Variants in GALNT13 observed in about 807,000 individuals in gnomAD.
The protein encoded by GALNT13 is UDP-GalNAc:polypeptide N-acetylgalactosaminyltransferase 13.
In GALNT13, 28 loss-of-function variants were observed where a neutral mutation model predicts 64.2. The observed-to-expected ratio is 0.44, with a 90% CI of 0.32 to 0.60. GALNT13 has a LOEUF of 0.60. Ranked by LOEUF, GALNT13 falls within the 20% of genes least tolerant of loss-of-function variation. GALNT13 has a pLI of 0.05. For missense variants in GALNT13, 577 were observed against 669.8 expected (o/e 0.86, Z 1.53); for synonymous variants, 214 against 224.6 (o/e 0.95, Z 0.42).
the GALNT13 span, among the ~76,000 whole-genome samples, chr2:153,483,518 G>A: frequency 6.8e-6 from 1 of 146,036 alleles, no homozygotes. Flanking sequence ...CAGGGTTCAA[G>A]CAATTCTCCT....
At chr2:153,226,713 C>T in the GALNT13 span, among the ~76,000 whole-genome samples, 1 of 152,136 alleles carries the variant, frequency 6.6e-6, no homozygotes, top group Admixed American at 6.5e-5. Flanking sequence ...TCTAAAGAGG[C>T]ATGATGACTA....
the GALNT13 span, among the ~76,000 whole-genome samples, chr2:153,257,757 C>T: frequency 1.3e-5 from 2 of 152,068 alleles, no homozygotes; most frequent in Admixed American, 1.3e-4. Context: ...TGTGAGTATT[C>T]TTAACTTATG....
At chr2:153,512,588 A>G in the GALNT13 span, among the ~76,000 whole-genome samples, 2 of 152,160 alleles carry the variant, frequency 1.3e-5, no homozygotes, top group African/African-American at 2.4e-5. Context: ...TTCTTTATCT[A>G]TAAAATTGGG....
chr2:153,368,887 T>C, the GALNT13 span, among the ~76,000 whole-genome samples: 4 of 151,760 alleles, frequency 2.6e-5, no homozygotes, highest in African/African-American at 4.8e-5. Context: ...TTAAATTGTA[T>C]ATTGAATATA....
At chr2:154,152,749 A>G (rs1217736708) in intron 4 of GALNT13, among the ~76,000 whole-genome samples, 2 of 151,936 alleles carry the variant, frequency 1.3e-5, no homozygotes, top group African/African-American at 4.8e-5. Flanking sequence ...TGCATTCTTC[A>G]TGTAGTTCTG....
intron 9 of GALNT13, among the ~76,000 whole-genome samples, chr2:154,352,500 A>G (rs1696468953): frequency 6.6e-6 from 1 of 152,236 alleles, no homozygotes; most frequent in African/African-American, 2.4e-5. Flanking sequence ...GCTCACAGCC[A>G]ATGAGGTAGG....
chr2:154,220,813 T>G (rs1688286259), intron 4 of GALNT13, among the ~76,000 whole-genome samples: 1 of 152,088 alleles, frequency 6.6e-6, no homozygotes, highest in African/African-American at 2.4e-5. Context: ...TTATAACATT[T>G]AATTAATGAA....
intron 4 of GALNT13, among the ~76,000 whole-genome samples, chr2:154,168,162 A>G (rs1159543607): frequency 6.6e-6 from 1 of 152,098 alleles, no homozygotes; most frequent in African/African-American, 2.4e-5. Flanking sequence ...GGTAGTGCAG[A>G]GCAGCATGTC....
the GALNT13 span, among the ~76,000 whole-genome samples, chr2:153,158,204 G>A: frequency 6.6e-6 from 1 of 151,768 alleles, no homozygotes; most frequent in Non-Finnish European, 1.5e-5. Context: ...CTCCCCTTAA[G>A]GTTTTATTAG....
the GALNT13 span, among the ~76,000 whole-genome samples, chr2:153,566,356 T>TGTTTTTTTTTTGTTTTTG: frequency 3.0e-3 from 216 of 70,898 alleles, 1 homozygote; most frequent in African/African-American, 0.01. Flanking sequence ...ACGTTTTTTT[T>TGTTTTTTTTTTGTTTTTG]TTTTTTTTTT....
In GALNT13 at chr2:153,908,098, T is replaced by C. The variant is rs146048601; in HGVS notation, c.-105+7091T>C. On this transcript the variant is annotated intron_variant, in intron 2 of 12. Transcript: ENST00000392825. ...TTATTTGACTTTTTCATAATAGCCATTCTGACTGGTGTAAGATGGTATCTC... is the reference window on the plus strand; with the variant it reads ...TTATTTGACTTTTTCATAATAGCCACTCTGACTGGTGTAAGATGGTATCTC... Among the ~76,000 whole-genome samples, 1,126 of 152,220 alleles carry C rather than the reference T, an allele frequency of 7.4e-3. 11 individuals carry two copies. Among genetic ancestry groups the C allele is most frequent in the African/African-American group, 0.026 (1,080 of 41,554 alleles).
At chr2:153,346,036 G>T in the GALNT13 span, among the ~76,000 whole-genome samples, 8 of 151,872 alleles carry the variant, frequency 5.3e-5, no homozygotes, top group Admixed American at 5.3e-4. Context: ...GTGCAGTGGC[G>T]CGATCTCGGC....
chr2:153,103,407 C>T, the GALNT13 span, among the ~76,000 whole-genome samples: 14 of 152,322 alleles, frequency 9.2e-5, no homozygotes, highest in African/African-American at 2.4e-4. Context: ...GACACCTTTC[C>T]TGCCCACTCT....
the GALNT13 span, among the ~76,000 whole-genome samples, chr2:153,856,458 G>T: frequency 1.3e-5 from 2 of 152,106 alleles, no homozygotes; most frequent in Admixed American, 6.5e-5. Context: ...ACATTAAAAC[G>T]TGGATCTAAG....
chr2:153,283,199 C>T, the GALNT13 span, among the ~76,000 whole-genome samples: 10 of 152,138 alleles, frequency 6.6e-5, no homozygotes, highest in African/African-American at 1.7e-4. Flanking sequence ...TCCCTGATGG[C>T]GGGCACTAGT....
chr2:153,648,090 A>G, the GALNT13 span, among the ~76,000 whole-genome samples: 16 of 152,252 alleles, frequency 1.1e-4, no homozygotes, highest in South Asian at 8.3e-4. Flanking sequence ...GATTCTTCCT[A>G]TCCATGAGCA....
chr2:153,651,782 AATGCCATT>A, the GALNT13 span, among the ~76,000 whole-genome samples: 3 of 152,170 alleles, frequency 2.0e-5, no homozygotes, highest in Non-Finnish European at 4.4e-5. Flanking sequence ...AGAAAAGCAA[AATGCCATT>A]GGATTGACTA....
chr2:153,267,509 C>A, the GALNT13 span, among the ~76,000 whole-genome samples: 1 of 152,230 alleles, frequency 6.6e-6, no homozygotes, highest in Non-Finnish European at 1.5e-5. Context: ...GGCTTGCACC[C>A]TCTAAAGCAA....
chr2:153,927,518 A>AT (rs1439553398), intron 2 of GALNT13, among the ~76,000 whole-genome samples: 1 of 151,938 alleles, frequency 6.6e-6, no homozygotes, highest in African/African-American at 2.4e-5. Flanking sequence ...ACACTCCATT[A>AT]TATTAGTTGC....
Sources: gnomAD v4.1 joint callset for allele counts (sites outside exome capture counted in the v4.1 genomes callset) on GRCh38, gnomAD v4.1.1 for gene constraint, MANE v1.5 for transcripts, NCBI Gene and HGNC (gene_info 2026-07-23, HGNC 2026-07-21) for gene names.